The following CRADD variants were observed in gnomAD, a reference collection of about 807,000 sequenced individuals.
The protein encoded by CRADD is CARD and death domain containing adaptor protein, also known as death domain-containing protein CRADD.
Under a neutral mutation model 15.5 loss-of-function variants are expected in CRADD, and 9 were observed. The ratio of observed to expected loss-of-function variants is 0.58; its 90% CI spans 0.35 to 1.01. The LOEUF is 1.01. Among genes scored for constraint, CRADD ranks in the 50% least tolerant of loss-of-function variants. The pLI is 0.02. For missense variants in CRADD, 227 were observed against 250.3 expected (o/e 0.91, Z 0.63); for synonymous variants, 118 against 107.6 (o/e 1.10, Z -0.60).
intron 2 of CRADD, among the ~76,000 whole-genome samples, chr12:93,883,177 A>T (rs1958514527): frequency 6.6e-6 from 1 of 152,210 alleles, no homozygotes; most frequent in South Asian, 2.1e-4. Flanking sequence ...GCTGGAACTA[A>T]AATTAGAGGG....
chr12:93,838,552 C>T (rs1254850974), intron 2 of CRADD, among the ~76,000 whole-genome samples: 1 of 116,212 alleles, frequency 8.6e-6, no homozygotes, highest in Non-Finnish European at 1.7e-5. Flanking sequence ...CCTTGCTTCT[C>T]TCTTTCTCTC....
At chr12:93,706,931 G>GA (rs1955963867) in intron 2 of CRADD, among the ~76,000 whole-genome samples, 2 of 152,160 alleles carry the variant, frequency 1.3e-5, no homozygotes, top group Non-Finnish European at 2.9e-5. Flanking sequence ...TGACTTGAGT[G>GA]AAAAAATATG....
At chr12:93,874,180 T>C (rs1958442068) in intron 2 of CRADD, among the ~76,000 whole-genome samples, 1 of 152,082 alleles carries the variant, frequency 6.6e-6, no homozygotes, top group African/African-American at 2.4e-5. Flanking sequence ...TGGTAGGTTG[T>C]ATTTTTCTAG....
intron 2 of CRADD, among the ~76,000 whole-genome samples, chr12:93,825,688 G>A (rs935078609): frequency 2.0e-5 from 3 of 152,156 alleles, no homozygotes; most frequent in African/African-American, 7.2e-5. Context: ...AAGCCTAGGA[G>A]AAGCACAGCA....
chr12:93,817,792 C>A (rs1342553755), intron 2 of CRADD, among the ~76,000 whole-genome samples: 2 of 152,176 alleles, frequency 1.3e-5, no homozygotes, highest in Non-Finnish European at 2.9e-5. Context: ...GCATGACACT[C>A]TCCTCGCACT....
chr12:93,748,553 C>T lies in CRADD; in HGVS notation c.298+69481C>T, dbSNP rs375403543. 1.6e-3 allele frequency among the ~76,000 whole-genome samples: 238 copies of T among 152,284 alleles called. 1 individual carries two copies. The highest frequency in any genetic ancestry group is 5.4e-3 in the African/African-American group (223 of 41,548). ...AACTCCCAACCTCGGATGATCCTCC[C>T]GCCTCGGCCTCCCTAAGTGTTGGGA... On this transcript the variant is annotated intron_variant, in intron 2 of 2. Transcript: ENST00000332896.
At chr12:93,738,395 G>C (rs1471552090) in intron 2 of CRADD, 1 of 702,264 alleles carries the variant, frequency 1.4e-6, no homozygotes, top group Admixed American at 2.0e-5. Context: ...ATTCTTCCAT[G>C]AGATGCAGTT....
intron 2 of CRADD, among the ~76,000 whole-genome samples, chr12:93,835,414 G>A (rs1189436256): frequency 6.6e-6 from 1 of 152,118 alleles, no homozygotes; most frequent in Non-Finnish European, 1.5e-5. Flanking sequence ...CAGGGTACAT[G>A]TTTCAGTTAA....
intron 2 of CRADD, among the ~76,000 whole-genome samples, chr12:93,818,576 T>C (rs1957735042): frequency 1.3e-5 from 2 of 150,846 alleles, no homozygotes; most frequent in Admixed American, 6.6e-5. Context: ...ACCGTGGGAG[T>C]GATAGAGGCC....
chr12:93,886,838 G>A (rs958051922), intron 2 of CRADD, among the ~76,000 whole-genome samples: 2 of 152,228 alleles, frequency 1.3e-5, no homozygotes, highest in South Asian at 2.1e-4. Flanking sequence ...TTCAATCTGC[G>A]GAGGTTCCAA....
chr12:93,854,551 G>A (rs978022520), downstream of CRADD, among the ~76,000 whole-genome samples: 16 of 152,190 alleles, frequency 1.1e-4, no homozygotes, highest in Admixed American at 9.2e-4. Context: ...ATTTGGGTCC[G>A]TTTCGTGCAA....
intron 2 of CRADD, among the ~76,000 whole-genome samples, chr12:93,793,507 A>G (rs546467129): frequency 6.6e-6 from 1 of 152,348 alleles, no homozygotes; most frequent in East Asian, 1.9e-4. Flanking sequence ...AATACAGTTC[A>G]TACATTTTAT....
chr12:93,782,418 A>T (rs1427236797), intron 2 of CRADD, among the ~76,000 whole-genome samples: 1 of 152,082 alleles, frequency 6.6e-6, no homozygotes, highest in Non-Finnish European at 1.5e-5. Context: ...GGTGCAGCAC[A>T]CCAACATGGC....
At chr12:93,796,444 A>G (rs1178099873) in intron 2 of CRADD, among the ~76,000 whole-genome samples, 1 of 151,998 alleles carries the variant, frequency 6.6e-6, no homozygotes, top group Non-Finnish European at 1.5e-5. Flanking sequence ...ATCTCTACTA[A>G]AAATACAAAA....
intron 2 of CRADD, among the ~76,000 whole-genome samples, chr12:93,807,845 T>C (rs1313903662): frequency 6.6e-6 from 1 of 152,026 alleles, no homozygotes; most frequent in East Asian, 1.9e-4. Flanking sequence ...TGCTAGGCAC[T>C]GTTTAGGTAC....
chr12:93,739,050 A>G (rs1956629211), intron 2 of CRADD, among the ~76,000 whole-genome samples: 2 of 151,800 alleles, frequency 1.3e-5, no homozygotes, highest in Non-Finnish European at 2.9e-5. Flanking sequence ...TTATTTGTTT[A>G]TTTTTTTTCC....
At chr12:93,870,798 T>A (rs1310170232) in intron 2 of CRADD, among the ~76,000 whole-genome samples, 2 of 152,204 alleles carry the variant, frequency 1.3e-5, no homozygotes, top group African/African-American at 4.8e-5. Context: ...ATGGGGGTTC[T>A]TCCCAGAGAG....
At chr12:93,750,561 A>G (rs1288227250) in intron 2 of CRADD, among the ~76,000 whole-genome samples, 1 of 152,222 alleles carries the variant, frequency 6.6e-6, no homozygotes, top group African/African-American at 2.4e-5. Flanking sequence ...TACATACAAA[A>G]AAACCTACAT....
intron 2 of CRADD, among the ~76,000 whole-genome samples, chr12:93,726,094 G>GTTTTTTTTTTTTTTTTTTTTTT (rs1165429350): frequency 1.7e-4 from 16 of 96,014 alleles, no homozygotes; most frequent in Non-Finnish European, 1.8e-4. Context: ...AAATAGTTTA[G>GTTTTTTTTTTTTTTTTTTTTTT]TTTTTTTTTT....
Sources: allele counts gnomAD v4.1 joint callset (sites outside exome capture counted in the v4.1 genomes callset), GRCh38; gene constraint gnomAD v4.1.1; transcripts MANE v1.5; gene names NCBI Gene and HGNC (gene_info 2026-07-23, HGNC 2026-07-21).